WDFY4: variants seen among roughly 807,000 people sequenced by gnomAD.
WDFY4 encodes WD repeat- and FYVE domain-containing protein 4.
A neutral mutation model predicts 351.9 loss-of-function variants in WDFY4; 169 were observed. The observed-to-expected ratio is 0.48, with a 90% CI of 0.42 to 0.55. The LOEUF (loss-of-function observed/expected upper bound fraction) is 0.55, where lower values mean the gene tolerates loss of function less well. Among genes scored for constraint, WDFY4 ranks in the 20% least tolerant of loss-of-function variants. WDFY4 has a pLI of 0.00. For synonymous variants in WDFY4, 1,622 were observed against 1,574.6 expected, an observed-to-expected ratio of 1.03 and a Z score of -0.71; for missense variants, 3,803 against 3,935.6, an observed-to-expected ratio of 0.97 and a Z score of 0.90.
At chr10:48,875,196 T>G (rs2069949244) in intron 42 of WDFY4, 56 bp downstream of exon 42, 1 of 1,006,522 alleles carries the variant, frequency 9.9e-7, no homozygotes. Flanking sequence ...TGGTTTTATT[T>G]AATATTTTAT....
intron 51 of WDFY4, among the ~76,000 whole-genome samples, chr10:48,956,411 G>A (rs546895662): frequency 1.2e-4 from 19 of 152,220 alleles, no homozygotes; most frequent in Admixed American, 1.2e-3. Context: ...TGGTCCCAGA[G>A]TCTCCTTCCT....
At chr10:48,940,968 G>A (rs1422710839) in intron 47 of WDFY4, among the ~76,000 whole-genome samples, 8 of 152,180 alleles carry the variant, frequency 5.3e-5, no homozygotes, top group African/African-American at 1.9e-4. Context: ...GCCTTTTAAA[G>A]GAACCATTTG....
chr10:48,733,243 T>C (rs1313752249), intron 9 of WDFY4, among the ~76,000 whole-genome samples: 1 of 152,236 alleles, frequency 6.6e-6, no homozygotes, highest in African/African-American at 2.4e-5. Context: ...TTTCTATTGT[T>C]AAATGTGTCT....
chr10:48,720,822 T>A (rs1219887338), intron 3 of WDFY4, among the ~76,000 whole-genome samples: 1 of 152,186 alleles, frequency 6.6e-6, no homozygotes, highest in African/African-American at 2.4e-5. Flanking sequence ...CGCTGGTCCC[T>A]GGAGGCAGGG....
chr10:48,928,052 C>T (rs2663024), intron 47 of WDFY4, among the ~76,000 whole-genome samples: 115,037 of 152,120 alleles, frequency 0.76, 45,952 homozygotes, highest in East Asian at 1. Flanking sequence ...TGATTCCATT[C>T]CACCCAATGT....
intron 43 of WDFY4, 23 bp downstream of exon 43, chr10:48,877,222 C>G (rs1904595): frequency 0.35 from 542,468 of 1,540,632 alleles, 98,986 homozygotes; most frequent in East Asian, 0.72. Context: ...ATTGCAATAG[C>G]CTTTAAGATT....
At chr10:48,889,222 A>G (rs944064073) in intron 43 of WDFY4, among the ~76,000 whole-genome samples, 1 of 152,238 alleles carries the variant, frequency 6.6e-6, no homozygotes, top group Non-Finnish European at 1.5e-5. Flanking sequence ...GGCTGGTCCT[A>G]GCTTACGAAA....
chr10:48,828,594 C>T (rs2068081521), intron 36 of WDFY4, among the ~76,000 whole-genome samples, 184 bp from the exon 37 acceptor site: 1 of 152,136 alleles, frequency 6.6e-6, no homozygotes, highest in African/African-American at 2.4e-5. Context: ...ATTCAGAATG[C>T]CACTCTAAAA....
At chr10:48,773,515 G>A (rs1480152875) in intron 13 of WDFY4, among the ~76,000 whole-genome samples, 2 of 152,234 alleles carry the variant, frequency 1.3e-5, no homozygotes, top group Admixed American at 1.3e-4. Context: ...TAAAAGCAAT[G>A]TGTGGTATTA....
At position 48,775,616 on chromosome 10, in the gene WDFY4, G is replaced by A. The variant is rs2066005713; in HGVS notation, c.2769-96G>A. ...GTTCCAGTGGGGCTGGGAGGTCAGGGAGCTCCAGGCATCTAGGACAGTTGT... is the reference window on the plus strand; with the variant it reads ...GTTCCAGTGGGGCTGGGAGGTCAGGAAGCTCCAGGCATCTAGGACAGTTGT... On this transcript the variant is annotated intron_variant, in intron 14 of 61. Coordinates refer to ENST00000325239, the MANE Select transcript of WDFY4 (RefSeq NM_001394531.1). 1.1e-5 allele frequency: 13 copies of A among 1,186,348 alleles called. No individual in the cohort carries two copies. The South Asian group carries it at 1.8e-4, about 16-fold the overall frequency. The allele number at this position is 1,186,348 out of a possible 1,614,324, so 73.5% of individuals were successfully genotyped here.
chr10:48,814,082 G>T lies in WDFY4; in HGVS notation c.5340G>T (p.Gln1780His). ...LLEMLKATMS[Q>H]PLAGSEDGAW... ...AAATGCTGAAGGCCACCATGAGCCA[G>T]GTGAGACCCATTCCCCACATGCTGC... The change falls in exon 31 of 62, where the codon CAG (glutamine) becomes CAT (histidine). Residue 1780 changes from glutamine to histidine, a missense_variant and splice_region_variant. This residue lies in a region of WDFY4 where 3,054 missense variants were observed against 3,148.6 expected (regional missense o/e 0.97). Transcript: ENST00000325239. 6.5e-7 allele frequency: 1 copy of T among 1,543,974 alleles called. No individual in the cohort carries two copies. Among genetic ancestry groups the T allele is most frequent in the Non-Finnish European group, 8.8e-7 (1 of 1,142,154 alleles).
At chr10:48,787,282 G>T (rs1319471876) in intron 20 of WDFY4, among the ~76,000 whole-genome samples, 2 of 152,192 alleles carry the variant, frequency 1.3e-5, no homozygotes, top group African/African-American at 4.8e-5. Context: ...TGTTCTCTGT[G>T]CTCTGTCAAG....
chr10:48,982,682 C>A lies in WDFY4; in HGVS notation c.*107C>A. 1 of 1,141,222 alleles carries A rather than the reference C, an allele frequency of 8.8e-7. No homozygotes were observed. The highest frequency in any genetic ancestry group is 1.3e-6 in the Non-Finnish European group (1 of 788,332). The allele number at this position is 1,141,222 out of a possible 1,614,324, so 70.7% of individuals were successfully genotyped here. ...CAGAAGAAACCCCCAGGGCCTCCTT[C>A]CCCACAGTTCTCAAGGAAGGGCCTC... On this transcript the variant is annotated 3_prime_UTR_variant, in exon 62 of 62. Transcript: ENST00000325239.
rs1221999306 is a variant in WDFY4, at chr10:48,830,775, A to G, written c.6416A>G (p.Asp2139Gly). Residue 2139 changes from aspartate to glycine, a missense_variant, in exon 38 of 62, where the codon GAT becomes GGT. Physicochemically the swap from Asp to Gly is moderately conservative, Grantham distance 94 (BLOSUM62 -1). Transcript: ENST00000325239. Reference protein sequence around the residue: ...LVAQRQQTLEDAFKIDLSVKP... With the variant: ...LVAQRQQTLEGAFKIDLSVKP... ...GCACAAAGGCAGCAGACCCTGGAGG[A>G]TGCCTTCAAGATCGATCTCTCTGTG... The G allele has an allele frequency of 6.4e-7, 1 of 1,551,672 alleles. No individual in the cohort carries two copies. The highest frequency in any genetic ancestry group is 8.7e-7 in the Non-Finnish European group (1 of 1,146,932).
intron 51 of WDFY4, among the ~76,000 whole-genome samples, chr10:48,947,693 C>A (rs73296699): frequency 6.6e-6 from 1 of 152,096 alleles, no homozygotes; most frequent in African/African-American, 2.4e-5. Context: ...AGTTCCTTTC[C>A]CCTCTTCCCC....
Position 48,830,776 on chromosome 10 carries a change from T to A in WDFY4, c.6417T>A (p.Asp2139Glu), listed in dbSNP as rs773782656. ...LVAQRQQTLEDAFKIDLSVKP... is the reference protein window; with the variant it reads ...LVAQRQQTLEEAFKIDLSVKP... The stretch of plus-strand genomic sequence containing the variant: ...CACAAAGGCAGCAGACCCTGGAGGA[T>A]GCCTTCAAGATCGATCTCTCTGTGA... Residue 2139 changes from aspartate (D) to glutamate (E), a missense_variant, in exon 38 of 62, where the codon GAT becomes GAA. Coordinates refer to ENST00000325239, the MANE Select transcript of WDFY4 (RefSeq NM_001394531.1). The A allele has an allele frequency of 6.4e-5, 99 of 1,551,562 alleles. No homozygotes were observed. Among genetic ancestry groups the A allele is most frequent in the Non-Finnish European group, 8.4e-5 (96 of 1,146,956 alleles).
chr10:48,940,179 A>G (rs1473413044), intron 47 of WDFY4, among the ~76,000 whole-genome samples: 1 of 152,212 alleles, frequency 6.6e-6, no homozygotes, highest in Non-Finnish European at 1.5e-5. Context: ...CTATAGCCTT[A>G]AGAGCAGCCT....
intron 13 of WDFY4, among the ~76,000 whole-genome samples, chr10:48,762,605 C>T (rs1320349541): frequency 6.6e-6 from 1 of 152,246 alleles, no homozygotes; most frequent in African/African-American, 2.4e-5. Context: ...ACCTCTTTAG[C>T]TGTGGCACCT....
chr10:48,745,235 T>C (rs2064973260), intron 12 of WDFY4, among the ~76,000 whole-genome samples: 1 of 152,250 alleles, frequency 6.6e-6, no homozygotes, highest in South Asian at 2.1e-4. Flanking sequence ...ACAGTGTTTC[T>C]AGTCATCTTT....
Sources: gnomAD v4.1 joint callset for allele counts (sites outside exome capture counted in the v4.1 genomes callset) on GRCh38, gnomAD v4.1.1 for gene constraint, gnomAD v4.1.1 regional missense constraint, MANE v1.5 for transcripts, NCBI Gene and HGNC (gene_info 2026-07-23, HGNC 2026-07-21) for gene names.